EDA: variants seen among roughly 807,000 people sequenced by gnomAD.
The protein encoded by EDA is ectodysplasin A, also known as ectodysplasin-A.
Under a neutral mutation model 23.6 loss-of-function variants are expected in EDA, and 2 were observed. That is an observed-to-expected ratio of 0.08 (90% CI 0.03 to 0.27). The LOEUF is 0.27. Among genes scored for constraint, EDA ranks in the 10% least tolerant of loss-of-function variants. EDA has a pLI of 1.00. For synonymous variants in EDA, 131 were observed against 132.0 expected (o/e 0.99, Z 0.05); for missense variants, 229 against 324.2 (o/e 0.71, Z 2.26).
chrX:69,646,932 A>G (rs1480070104), intron 1 of EDA, among the ~76,000 whole-genome samples: 5 of 111,093 alleles, frequency 4.5e-5, no homozygotes, highest in African/African-American at 1.6e-4. Context: ...AGAGGATCTT[A>G]TTTCTCCTTC....
Position 69,702,488 on chromosome X carries a change from G to A in EDA, c.396+85784G>A, listed in dbSNP as rs759520294. Among the ~76,000 whole-genome samples the A allele has an allele frequency of 1.9e-4, 21 of 110,520 alleles. No individual in the cohort carries two copies. In the East Asian group the frequency reaches 5.5e-3, roughly 29 times the overall value. The stretch of plus-strand genomic sequence containing the variant: ...TGATTGGGAAGATGGTGGCTGGGAA[G>A]ATGGCAGCTGAGAGGATGGTGGCTG... On this transcript the variant is annotated intron_variant, in intron 1 of 7. Coordinates refer to ENST00000374552, the MANE Select transcript of EDA (RefSeq NM_001399.5).
intron 1 of EDA, among the ~76,000 whole-genome samples, chrX:69,766,236 T>C (rs1322818365): frequency 1.8e-5 from 2 of 111,827 alleles, no homozygotes; most frequent in African/African-American, 3.3e-5. Flanking sequence ...ATTTTTTCAG[T>C]TCTAAAATTT....
At chrX:69,808,567 T>A (rs2015868452) in intron 1 of EDA, among the ~76,000 whole-genome samples, 1 of 111,765 alleles carries the variant, frequency 8.9e-6, no homozygotes, top group Non-Finnish European at 1.9e-5. Context: ...ATCTTTCTGA[T>A]GTGGCCAGCT....
chrX:69,671,272 G>A (rs531992241), intron 1 of EDA, among the ~76,000 whole-genome samples: 5 of 111,462 alleles, frequency 4.5e-5, no homozygotes, highest in South Asian at 7.7e-4. Context: ...GGTTATTAGG[G>A]CAACAGCTTT....
intron 1 of EDA, among the ~76,000 whole-genome samples, chrX:69,940,376 C>G (rs2147687474): frequency 9.0e-6 from 1 of 110,782 alleles, no homozygotes; most frequent in South Asian, 3.8e-4. Flanking sequence ...TATTGGCATA[C>G]AGTTGTTCAT....
chrX:69,882,138 AT>A (rs2017757221), intron 1 of EDA, among the ~76,000 whole-genome samples: 2 of 111,283 alleles, frequency 1.8e-5, no homozygotes, highest in Non-Finnish European at 3.8e-5. Flanking sequence ...GCATCTGTTT[AT>A]TGAAAAAAAA....
At chrX:69,720,867 G>A (rs2012553354) in intron 1 of EDA, among the ~76,000 whole-genome samples, 1 of 112,198 alleles carries the variant, frequency 8.9e-6, no homozygotes, top group South Asian at 3.7e-4. Flanking sequence ...GATCTTAGTT[G>A]ATTGTCTTTT....
Position 69,787,467 on chromosome X carries a change from G to C in EDA, c.397-169560G>C, listed in dbSNP as rs773882038. 1.9e-4 allele frequency among the ~76,000 whole-genome samples: 20 copies of C among 104,121 alleles called. 1 individual carries two copies. The South Asian group carries it at 8.5e-3, about 44-fold the overall frequency. 90.4% of individuals were successfully genotyped at this position (104,121 alleles called of 115,157 possible). A position where few individuals can be genotyped will look rare whatever the true frequency, so the allele number is the denominator to read the frequency against. ...TCCATGTTTAGCACTTCCTTCAGTAGCTCTTTTAGGGCAGGCCTGGTGGTG... is the reference window on the plus strand; with the variant it reads ...TCCATGTTTAGCACTTCCTTCAGTACCTCTTTTAGGGCAGGCCTGGTGGTG... On this transcript the variant is annotated intron_variant, in intron 1 of 7. Coordinates refer to ENST00000374552, the MANE Select transcript of EDA (RefSeq NM_001399.5).
At chrX:69,846,503 C>T (rs1009570172) in intron 1 of EDA, among the ~76,000 whole-genome samples, 5 of 111,069 alleles carry the variant, frequency 4.5e-5, no homozygotes, top group African/African-American at 1.6e-4. Context: ...CCATGTTGGC[C>T]AGGCTGATCT....
intron 1 of EDA, among the ~76,000 whole-genome samples, chrX:69,633,058 G>A (rs1932665386): frequency 2.7e-5 from 3 of 111,504 alleles, no homozygotes; most frequent in Non-Finnish European, 5.7e-5. Flanking sequence ...CTGTCTTTAC[G>A]TTTTAACCAC....
At chrX:69,657,717 T>C (rs1032104485) in intron 1 of EDA, among the ~76,000 whole-genome samples, 4 of 112,067 alleles carry the variant, frequency 3.6e-5, no homozygotes, top group African/African-American at 1.3e-4. Context: ...CCCAGCACCA[T>C]TTATTGAATA....
chrX:69,759,904 T>C lies in EDA; in HGVS notation c.396+143200T>C, dbSNP rs1179685258. On this transcript the variant is annotated intron_variant, in intron 1 of 7. Coordinates refer to ENST00000374552, the MANE Select transcript of EDA (RefSeq NM_001399.5). ...AGAGATCAGACTGACATTGGCATGG[T>C]ACAGCGTGGTGATTTAGAGAACAAG... Among the ~76,000 whole-genome samples the C allele has an allele frequency of 2.7e-5, 3 of 109,792 alleles. No homozygotes were observed. In the East Asian group the frequency reaches 8.6e-4, roughly 32 times the overall value.
intron 2 of EDA, among the ~76,000 whole-genome samples, chrX:70,019,628 C>T (rs1420197292): frequency 1.8e-5 from 2 of 112,105 alleles, no homozygotes; most frequent in Non-Finnish European, 3.8e-5. Flanking sequence ...TAATCCCAAG[C>T]AAACTAATGC....
At chrX:69,937,316 T>C in intron 1 of EDA, 1 of 643,362 alleles carries the variant, frequency 1.6e-6, no homozygotes, top group Non-Finnish European at 2.7e-6. Flanking sequence ...AGGCCATTCC[T>C]GTCAGCAATG....
rs762963725 is a variant in EDA, at chrX:69,709,844, CT to C, written c.396+93150del. On this transcript the variant is annotated intron_variant, in intron 1 of 7. Coordinates refer to ENST00000374552, the MANE Select transcript of EDA (RefSeq NM_001399.5). ...GTTGTTATTAAGAAAATTGTAGATT[CT>C]TTTTTTTTTCTTGTAAATTTGTTTG... Among the ~76,000 whole-genome samples the C allele has an allele frequency of 4.3e-4, 46 of 107,342 alleles. 1 individual carries two copies. In the East Asian group the frequency reaches 6.4e-3, roughly 15 times the overall value. 93.2% of individuals were successfully genotyped at this position (107,342 alleles called of 115,157 possible).
intron 1 of EDA, among the ~76,000 whole-genome samples, chrX:69,661,896 A>G (rs1933522187): frequency 8.9e-6 from 1 of 112,280 alleles, no homozygotes; most frequent in East Asian, 2.8e-4. Context: ...ACATATACAT[A>G]GTAAAAAGAT....
chrX:69,879,618 A>T (rs1329135776), intron 1 of EDA, among the ~76,000 whole-genome samples: 1 of 111,869 alleles, frequency 8.9e-6, no homozygotes, highest in Admixed American at 9.5e-5. Context: ...AGAGTATGGA[A>T]AAAGGAACCA....
At chrX:69,703,425 C>T (rs2011593248) in intron 1 of EDA, among the ~76,000 whole-genome samples, 1 of 111,950 alleles carries the variant, frequency 8.9e-6, no homozygotes, top group African/African-American at 3.2e-5. Context: ...CGGAGCCCCT[C>T]CCGGTTTTCG....
At chrX:69,710,956 C>T (rs2011993905) in intron 1 of EDA, among the ~76,000 whole-genome samples, 1 of 111,523 alleles carries the variant, frequency 9.0e-6, no homozygotes, top group Admixed American at 9.5e-5. Context: ...AATTTGACTT[C>T]CTCTTTTCCT....
Sources: allele counts gnomAD v4.1 joint callset (sites outside exome capture counted in the v4.1 genomes callset), GRCh38; gene constraint gnomAD v4.1.1; transcripts MANE v1.5; gene names NCBI Gene and HGNC (gene_info 2026-07-23, HGNC 2026-07-21).